The following MCCC1 variants were observed in gnomAD, a reference collection of about 807,000 sequenced individuals.
MCCC1 encodes the protein methylcrotonoyl-CoA carboxylase subunit alpha, mitochondrial.
MCCC1 carries 64 observed loss-of-function variants against 83.8 expected under a neutral mutation model. That is an observed-to-expected ratio of 0.76 (90% CI 0.62 to 0.94). MCCC1 has a LOEUF of 0.94. Ranked by LOEUF, MCCC1 falls within the 40% of genes least tolerant of loss-of-function variation. The pLI is 0.00. For synonymous variants in MCCC1, 322 were observed against 315.4 expected (o/e 1.02, Z -0.22); for missense variants, 807 against 904.7 (o/e 0.89, Z 1.39).
In MCCC1 at chr3:183,049,616, C is replaced by T. The variant is rs139856649; in HGVS notation, c.955+2543G>A. On this transcript the variant is annotated intron_variant, in intron 9 of 18. Transcript: ENST00000265594. Reference sequence around the variant, plus strand: ...AGAAAAGAAACAAAAGCACAATAACCTTTAGCCAGGTTAACTAAGAAAAAA... The same window carrying T: ...AGAAAAGAAACAAAAGCACAATAACTTTTAGCCAGGTTAACTAAGAAAAAA... Among the ~76,000 whole-genome samples the T allele has an allele frequency of 3.9e-3, 585 of 151,230 alleles. 2 individuals carry two copies. Among genetic ancestry groups the T allele is most frequent in the African/African-American group, 0.014 (558 of 41,322 alleles).
intron 7 of MCCC1, among the ~76,000 whole-genome samples, chr3:183,061,758 T>C (rs554472060): frequency 6.6e-6 from 1 of 152,246 alleles, no homozygotes; most frequent in Non-Finnish European, 1.5e-5. Context: ...GCCTTTTTCT[T>C]GCTTTTTGGA....
chr3:183,092,474 T>C lies in MCCC1; in HGVS notation c.208A>G (p.Lys70Glu), dbSNP rs750133436. 16 of 1,614,218 alleles carry C rather than the reference T, an allele frequency of 9.9e-6. No homozygotes were observed. In the South Asian group the frequency reaches 1.8e-4, roughly 18 times the overall value. Residue 70 changes from lysine (K) to glutamate (E), a missense_variant, in exon 3 of 19, where the codon AAA becomes GAA. By Grantham distance (56) the Lys-to-Glu change is moderately conservative. Coordinates refer to ENST00000265594, the MANE Select transcript of MCCC1 (RefSeq NM_020166.5). ...IACRVMRTAK[K>E]LGVQTVAVYS... ...ACCGCCACAGTCTGTACACCCAGTT[T>C]TTTGGCTGTGCGCATCACCCTGCAG... is the stretch of plus-strand genomic sequence containing the variant.
At chr3:183,075,183 CAT>C (rs923376077) in intron 4 of MCCC1, among the ~76,000 whole-genome samples, 17 of 152,202 alleles carry the variant, frequency 1.1e-4, no homozygotes, top group African/African-American at 3.1e-4. Context: ...CATACATGCA[CAT>C]GTGTCTTTAT....
At chr3:183,036,983 A>G (rs1437001210) in intron 13 of MCCC1, among the ~76,000 whole-genome samples, 3 of 152,032 alleles carry the variant, frequency 2.0e-5, no homozygotes, top group Non-Finnish European at 4.4e-5. Context: ...AAAGAGATCC[A>G]TTTCTACAAT....
intron 4 of MCCC1, among the ~76,000 whole-genome samples, chr3:183,086,299 T>C (rs994516442): frequency 6.6e-6 from 1 of 152,228 alleles, no homozygotes; most frequent in South Asian, 2.1e-4. Context: ...GTTCCCTACG[T>C]GGCCCTAGAA....
At chr3:183,015,868 T>G (rs1366593353) in intron 18 of MCCC1, among the ~76,000 whole-genome samples, 1 of 152,010 alleles carries the variant, frequency 6.6e-6, no homozygotes, top group Non-Finnish European at 1.5e-5. Context: ...ACATGAGAAT[T>G]GCACCTAGGA....
chr3:183,056,048 A>G (rs1454755030), intron 8 of MCCC1, among the ~76,000 whole-genome samples: 1 of 152,254 alleles, frequency 6.6e-6, no homozygotes, highest in Non-Finnish European at 1.5e-5. Context: ...AGAAAGGTAC[A>G]TTAAAATAAA....
At position 183,099,351 on chromosome 3, in the gene MCCC1, C is replaced by T. The variant is rs771730236; in HGVS notation, c.89+1G>A. On this transcript the variant is annotated splice_donor_variant, in intron 1 of 18. Coordinates refer to ENST00000265594, the MANE Select transcript of MCCC1 (RefSeq NM_020166.5). LOFTEE classifies it high-confidence loss of function. ...CACTGAGCCATGGCCCCTCCACCCA[C>T]CTCGGCGGCAGGAGCAGGCTCGGGA... The T allele has an allele frequency of 1.9e-6, 3 of 1,596,376 alleles. No homozygotes were observed. Among genetic ancestry groups the T allele is most frequent in the South Asian group, 2.3e-5 (2 of 88,650 alleles).
chr3:183,041,530 TAAAAA>T (rs1714080779), intron 11 of MCCC1, 32 bp downstream of exon 11: 2 of 1,611,632 alleles, frequency 1.2e-6, no homozygotes, highest in South Asian at 1.1e-5. Context: ...ACTAAAAACT[TAAAAA>T]GAGTGAGACT....
At chr3:183,088,971 G>A (rs1016852634) in intron 3 of MCCC1, among the ~76,000 whole-genome samples, 1 of 152,260 alleles carries the variant, frequency 6.6e-6, no homozygotes, top group African/African-American at 2.4e-5. Context: ...TCCTGTACAC[G>A]CTTCTCTTAG....
In MCCC1 at chr3:183,061,997, C is replaced by A. The variant is rs1211663045; in HGVS notation, c.762-4575G>T. Among the ~76,000 whole-genome samples the A allele has an allele frequency of 3.3e-5, 5 of 152,236 alleles. No homozygotes were observed. In the East Asian group the frequency reaches 5.8e-4, roughly 18 times the overall value. On this transcript the variant is annotated intron_variant, in intron 7 of 18. Transcript: ENST00000265594. The stretch of plus-strand genomic sequence containing the variant: ...CTGTTCTTGTGATAGTAAAGTCTCA[C>A]GAGATCTGATGGTCTTATAAAGAGC...
chr3:183,041,767 G>GT lies in MCCC1; in HGVS notation c.1084-18dup. The GT allele has an allele frequency of 6.2e-7, 1 of 1,614,022 alleles. No homozygotes were observed. On this transcript the variant is annotated splice_polypyrimidine_tract_variant and intron_variant, in intron 10 of 18. Coordinates refer to ENST00000265594, the MANE Select transcript of MCCC1 (RefSeq NM_020166.5). ...TGCTGCAATCTGGCAATAGAATAGT[G>GT]TTTCTTATGAAATCTACCGTATAGC... is the stretch of plus-strand genomic sequence containing the variant.
At chr3:183,115,143 A>G (rs1000542709) in intron 1 of MCCC1, among the ~76,000 whole-genome samples, 1 of 152,076 alleles carries the variant, frequency 6.6e-6, no homozygotes, top group African/African-American at 2.4e-5. Context: ...TAAAAGATGT[A>G]TCCTAAGCCC....
At chr3:183,089,162 C>T (rs766434007) in intron 3 of MCCC1, among the ~76,000 whole-genome samples, 7 of 152,212 alleles carry the variant, frequency 4.6e-5, no homozygotes, top group Non-Finnish European at 1.0e-4. Flanking sequence ...ATATTATCCA[C>T]CTTTTACATT....
chr3:183,065,611 A>T (rs1716199581), intron 7 of MCCC1, among the ~76,000 whole-genome samples: 1 of 139,462 alleles, frequency 7.2e-6, no homozygotes, highest in African/African-American at 2.6e-5. Context: ...GTAAAAGATT[A>T]TAAGAAGGCA....
intron 7 of MCCC1, among the ~76,000 whole-genome samples, chr3:183,068,132 G>A (rs1198836122): frequency 3.3e-5 from 5 of 152,194 alleles, no homozygotes; most frequent in East Asian, 1.9e-4. Context: ...AAAGGGAAAT[G>A]TCAGAGGCAT....
chr3:183,069,776 A>G (rs1316644507), intron 7 of MCCC1, among the ~76,000 whole-genome samples: 1 of 152,226 alleles, frequency 6.6e-6, no homozygotes, highest in Non-Finnish European at 1.5e-5. Flanking sequence ...AACAATTGTC[A>G]TAAAAATCTA....
At chr3:183,062,183 T>C (rs1005844158) in intron 7 of MCCC1, among the ~76,000 whole-genome samples, 4 of 152,172 alleles carry the variant, frequency 2.6e-5, no homozygotes, top group African/African-American at 9.7e-5. Flanking sequence ...TATGTCTTTA[T>C]TGACAGCATG....
rs147278054 is a variant in MCCC1 at position 183,025,761 on chromosome 3, G to A, written c.1725C>T (p.Ser575=). 8 of 1,613,604 alleles carry A rather than the reference G, an allele frequency of 5.0e-6. No homozygotes were observed. The highest frequency in any genetic ancestry group is 6.8e-6 in the Non-Finnish European group (8 of 1,179,690). The part of the protein sequence containing the change: ...AVTYNHDGSY[S]MQIEDKTFQV... The stretch of plus-strand genomic sequence containing the variant: ...CAAAACCAGTAAGGCTTACCTGCAT[G>A]CTATAAGACCCATCATGGTTATACG... The change falls in exon 15 of 19, where the codon AGC becomes AGT. Residue 575 remains serine, a synonymous_variant. Coordinates refer to ENST00000265594, the MANE Select transcript of MCCC1 (RefSeq NM_020166.5).
Sources: allele counts gnomAD v4.1 joint callset (sites outside exome capture counted in the v4.1 genomes callset), GRCh38; gene constraint gnomAD v4.1.1; transcripts MANE v1.5; gene names NCBI Gene and HGNC (gene_info 2026-07-23, HGNC 2026-07-21).